The following GPR158 variants were observed in gnomAD, a reference collection of about 807,000 sequenced individuals.
GPR158 encodes G protein-coupled receptor 158.
Under a neutral mutation model 78.2 loss-of-function variants are expected in GPR158, and 30 were observed. That is an observed-to-expected ratio of 0.38 (90% confidence interval 0.29 to 0.52). The LOEUF is 0.52. Ranked by LOEUF, GPR158 falls within the 20% of genes least tolerant of loss-of-function variation. The pLI is 0.83. For missense variants in GPR158, 1,463 were observed against 1,523.5 expected, an observed-to-expected ratio of 0.96 and a Z score of 0.66; for synonymous variants, 581 against 591.1, an observed-to-expected ratio of 0.98 and a Z score of 0.25.
At chr10:25,184,186 T>C (rs1467594023) in intron 1 of GPR158, among the ~76,000 whole-genome samples, 1 of 152,180 alleles carries the variant, frequency 6.6e-6, no homozygotes, top group East Asian at 1.9e-4. Flanking sequence ...CTGCTGTATG[T>C]AAATTTTTTT....
intron 4 of GPR158, among the ~76,000 whole-genome samples, chr10:25,430,811 G>A (rs1225799769): frequency 6.7e-6 from 1 of 149,490 alleles, no homozygotes; most frequent in African/African-American, 2.5e-5. Context: ...CTAGCCATAT[G>A]TAGAAAGCTG....
intron 6 of GPR158, among the ~76,000 whole-genome samples, chr10:25,567,359 C>G (rs567174421): frequency 1.3e-5 from 2 of 152,186 alleles, no homozygotes; most frequent in South Asian, 4.2e-4. Context: ...CAAACTTTAC[C>G]CTTCATCAAA....
At chr10:25,183,756 G>A (rs1305066715) in intron 1 of GPR158, among the ~76,000 whole-genome samples, 1 of 152,068 alleles carries the variant, frequency 6.6e-6, no homozygotes, top group African/African-American at 2.4e-5. Context: ...GTAAGGTTTT[G>A]GTTTATTTAT....
chr10:25,254,924 C>T (rs960772927), intron 2 of GPR158, among the ~76,000 whole-genome samples: 11 of 152,188 alleles, frequency 7.2e-5, no homozygotes, highest in Non-Finnish European at 1.6e-4. Context: ...AATTTCAATA[C>T]TCAGACCTTG....
chr10:25,512,626 C>G (rs1379924735), intron 5 of GPR158, among the ~76,000 whole-genome samples: 1 of 152,076 alleles, frequency 6.6e-6, no homozygotes, highest in Non-Finnish European at 1.5e-5. Flanking sequence ...AGGGGGAATG[C>G]TCTCAACTTT....
At chr10:25,380,381 G>C (rs1285986169) in intron 2 of GPR158, among the ~76,000 whole-genome samples, 1 of 152,138 alleles carries the variant, frequency 6.6e-6, no homozygotes, top group Non-Finnish European at 1.5e-5. Context: ...TTATAAAACT[G>C]AAATCATATT....
chr10:25,236,013 A>G (rs1853519648), intron 2 of GPR158, among the ~76,000 whole-genome samples: 1 of 151,992 alleles, frequency 6.6e-6, no homozygotes, highest in South Asian at 2.1e-4. Flanking sequence ...TACATTCTTC[A>G]TAAATGTTAG....
chr10:25,268,938 TGTGA>T (rs2130740844), intron 2 of GPR158, among the ~76,000 whole-genome samples: 2 of 152,350 alleles, frequency 1.3e-5, no homozygotes, highest in South Asian at 4.1e-4. Context: ...TTCTTTAAGG[TGTGA>T]GTAAAACACC....
intron 4 of GPR158, among the ~76,000 whole-genome samples, chr10:25,426,160 C>A (rs559972437): frequency 1.3e-5 from 2 of 152,224 alleles, no homozygotes; most frequent in East Asian, 3.9e-4. Flanking sequence ...CCTCTCTCAG[C>A]CTTCATCGAA....
At chr10:25,392,189 G>A (rs75936472) in intron 2 of GPR158, among the ~76,000 whole-genome samples, 2,552 of 152,290 alleles carry the variant, frequency 0.017, 64 homozygotes, top group African/African-American at 0.05. Flanking sequence ...AGCCATCGAA[G>A]CTGCTTATGG....
At chr10:25,226,053 A>G (rs566652766) in intron 2 of GPR158, among the ~76,000 whole-genome samples, 66 of 152,180 alleles carry the variant, frequency 4.3e-4, no homozygotes, top group Middle Eastern at 3.4e-3. Context: ...AGAAATAGCT[A>G]TGTGTCAGTT....
chr10:25,507,636 A>G (rs1395030312), intron 5 of GPR158, among the ~76,000 whole-genome samples: 1 of 152,266 alleles, frequency 6.6e-6, no homozygotes, highest in African/African-American at 2.4e-5. Flanking sequence ...ATAATACTGT[A>G]TCAGGGAAAA....
chr10:25,264,798 C>G (rs116627478), intron 2 of GPR158, among the ~76,000 whole-genome samples: 1,976 of 152,266 alleles, frequency 0.013, 66 homozygotes, highest in African/African-American at 0.046. Flanking sequence ...AAACTTGTCA[C>G]AGTGGTACCT....
At chr10:25,529,622 G>C (rs1007672666) in intron 5 of GPR158, among the ~76,000 whole-genome samples, 7 of 152,132 alleles carry the variant, frequency 4.6e-5, no homozygotes, top group South Asian at 2.1e-4. Context: ...CAATATAAAG[G>C]TTACTAATAA....
chr10:25,301,885 G>A (rs1041327469), intron 2 of GPR158, among the ~76,000 whole-genome samples: 2 of 152,242 alleles, frequency 1.3e-5, no homozygotes, highest in African/African-American at 2.4e-5. Context: ...TTTGCAATCA[G>A]TGTCCTCCTA....
chr10:25,498,888 G>C (rs1468995321), intron 5 of GPR158, among the ~76,000 whole-genome samples: 2 of 152,116 alleles, frequency 1.3e-5, no homozygotes, highest in East Asian at 3.9e-4. Flanking sequence ...TATATCCCCT[G>C]CATTGAGACT....
chr10:25,582,776 C>G (rs1205934086), intron 7 of GPR158, among the ~76,000 whole-genome samples: 1 of 152,196 alleles, frequency 6.6e-6, no homozygotes, highest in Non-Finnish European at 1.5e-5. Context: ...CTACAAAATA[C>G]ATTTAGCACA....
intron 2 of GPR158, among the ~76,000 whole-genome samples, chr10:25,270,808 C>T (rs566812900): frequency 3.9e-5 from 6 of 152,286 alleles, no homozygotes; most frequent in African/African-American, 1.2e-4. Flanking sequence ...ATTGAAAACT[C>T]GGTCTTTCTA....
intron 2 of GPR158, among the ~76,000 whole-genome samples, chr10:25,348,394 A>AACACAC (rs1428933193): frequency 5.9e-5 from 6 of 101,372 alleles, no homozygotes; most frequent in South Asian, 3.3e-4. Flanking sequence ...TTTAGGAAGA[A>AACACAC]AGACACACAC....
Sources: allele counts gnomAD v4.1 joint callset (sites outside exome capture counted in the v4.1 genomes callset), GRCh38; gene constraint gnomAD v4.1.1; transcripts MANE v1.5; gene names NCBI Gene and HGNC (gene_info 2026-07-23, HGNC 2026-07-21).